Variants in SLIT3 observed in about 807,000 individuals in gnomAD.
SLIT3 encodes the protein slit guidance ligand 3.
SLIT3 carries 68 observed loss-of-function variants against 184.0 expected under a neutral mutation model. That is an observed-to-expected ratio of 0.37 (90% CI 0.30 to 0.45). The LOEUF is 0.45. Ranked by LOEUF, SLIT3 falls within the 20% of genes least tolerant of loss-of-function variation. The pLI is 1.00. For synonymous variants in SLIT3, 831 were observed against 828.6 expected, an observed-to-expected ratio of 1.00 and a Z score of -0.05; for missense variants, 1,707 against 2,026.0, an observed-to-expected ratio of 0.84 and a Z score of 3.02.
intron 5 of SLIT3, among the ~76,000 whole-genome samples, chr5:168,880,127 C>T (rs1429365009): frequency 6.6e-6 from 1 of 152,340 alleles, no homozygotes; most frequent in African/African-American, 2.4e-5. Flanking sequence ...GCTTCTCTCT[C>T]CCAAGAGACA....
At chr5:168,733,928 TCAGAAA>T (rs1427373971) in intron 20 of SLIT3, among the ~76,000 whole-genome samples, 3 of 152,244 alleles carry the variant, frequency 2.0e-5, no homozygotes, top group South Asian at 4.2e-4. Flanking sequence ...GTGAAATGAC[TCAGAAA>T]CAGAAAGTCA....
At chr5:168,772,514 C>T (rs949779549) in intron 14 of SLIT3, 7 of 484,500 alleles carry the variant, frequency 1.4e-5, no homozygotes, top group African/African-American at 4.0e-5. Flanking sequence ...CTTGGAGACA[C>T]GCTGCTGCCT....
chr5:168,868,340 G>C (rs1170773308), intron 5 of SLIT3, among the ~76,000 whole-genome samples: 2 of 152,112 alleles, frequency 1.3e-5, no homozygotes, highest in African/African-American at 4.8e-5. Flanking sequence ...GCCCAGGCTG[G>C]AGTGCACTGG....
chr5:169,214,874 T>C (rs572310417), intron 3 of SLIT3, among the ~76,000 whole-genome samples: 26 of 152,250 alleles, frequency 1.7e-4, no homozygotes, highest in Admixed American at 2.6e-4. Flanking sequence ...CTGTATGCCA[T>C]GAGGTATGCA....
intron 4 of SLIT3, among the ~76,000 whole-genome samples, chr5:169,054,392 C>A (rs1051255347): frequency 1.3e-5 from 2 of 152,090 alleles, no homozygotes; most frequent in Admixed American, 6.5e-5. Flanking sequence ...GGATTTTGGA[C>A]TTCTATCCTG....
intron 4 of SLIT3, among the ~76,000 whole-genome samples, chr5:168,952,679 CAA>C (rs1156945844): frequency 1.3e-5 from 2 of 151,274 alleles, no homozygotes; most frequent in African/African-American, 2.4e-5. Flanking sequence ...TGAGAGGAAA[CAA>C]AGAGAGTGGA....
chr5:169,093,529 G>A (rs927350588), intron 4 of SLIT3, among the ~76,000 whole-genome samples: 2 of 152,182 alleles, frequency 1.3e-5, no homozygotes, highest in African/African-American at 4.8e-5. Flanking sequence ...GCTGAGGGTC[G>A]AGTTGATCAT....
chr5:168,859,326 A>T (rs888273927), intron 5 of SLIT3, among the ~76,000 whole-genome samples: 1 of 152,216 alleles, frequency 6.6e-6, no homozygotes, highest in African/African-American at 2.4e-5. Flanking sequence ...GCTGTCATAA[A>T]GATGATGTAA....
intron 4 of SLIT3, among the ~76,000 whole-genome samples, chr5:169,078,818 A>G (rs1394039209): frequency 1.3e-5 from 2 of 152,260 alleles, no homozygotes; most frequent in African/African-American, 4.8e-5. Flanking sequence ...GCCAAGTGAA[A>G]TAAGGAAAAC....
chr5:168,889,655 G>A (rs912406819), intron 4 of SLIT3, among the ~76,000 whole-genome samples: 5 of 152,180 alleles, frequency 3.3e-5, no homozygotes, highest in Non-Finnish European at 7.3e-5. Flanking sequence ...TGGATTAAGT[G>A]TCAGCTCAGA....
chr5:169,094,747 A>T (rs752297142), intron 4 of SLIT3, among the ~76,000 whole-genome samples: 4 of 152,256 alleles, frequency 2.6e-5, no homozygotes, highest in Non-Finnish European at 4.4e-5. Flanking sequence ...GCTTTAGGAT[A>T]GAAGTTTGCT....
At chr5:168,912,423 A>G (rs1206203197) in intron 4 of SLIT3, among the ~76,000 whole-genome samples, 1 of 152,164 alleles carries the variant, frequency 6.6e-6, no homozygotes, top group Non-Finnish European at 1.5e-5. Context: ...GGTCAAATGT[A>G]TATAGCATGC....
chr5:169,173,139 T>TA (rs1464992233), intron 4 of SLIT3, among the ~76,000 whole-genome samples: 1 of 152,204 alleles, frequency 6.6e-6, no homozygotes, highest in African/African-American at 2.4e-5. Flanking sequence ...CACATGCCTA[T>TA]AATCCCAGCT....
At chr5:168,777,542 T>C (rs1755806612) in intron 12 of SLIT3, among the ~76,000 whole-genome samples, 1 of 152,134 alleles carries the variant, frequency 6.6e-6, no homozygotes, top group African/African-American at 2.4e-5. Flanking sequence ...TGCTCCTAGA[T>C]CTCTCAGCAT....
Position 169,272,483 on chromosome 5 carries a change from G to A in SLIT3, c.198-21024C>T, listed in dbSNP as rs537604178. On this transcript the variant is annotated intron_variant, in intron 1 of 35. Coordinates refer to ENST00000519560, the MANE Select transcript of SLIT3 (RefSeq NM_003062.4). ...ATTATGAAATGTTTTCCAACCTAGC[G>A]TAAAAGCTCTGCTAGGAAAGAAACC... Among the ~76,000 whole-genome samples the A allele has an allele frequency of 4.3e-4, 66 of 152,334 alleles. 1 individual carries two copies. Among genetic ancestry groups the A allele is most frequent in the African/African-American group, 1.2e-3 (51 of 41,574 alleles).
chr5:169,108,314 TCAC>T (rs1291866273), intron 4 of SLIT3, among the ~76,000 whole-genome samples: 1 of 152,052 alleles, frequency 6.6e-6, no homozygotes, highest in Non-Finnish European at 1.5e-5. Context: ...GATGCTGGAG[TCAC>T]CACATTTGAG....
intron 4 of SLIT3, among the ~76,000 whole-genome samples, chr5:168,951,638 A>C (rs981883966): frequency 2.0e-5 from 3 of 152,198 alleles, no homozygotes; most frequent in African/African-American, 7.2e-5. Context: ...AGTAAGAAAA[A>C]TGTTGCTTTT....
chr5:168,855,952 T>TA (rs1480672167), intron 5 of SLIT3, among the ~76,000 whole-genome samples: 1 of 151,774 alleles, frequency 6.6e-6, no homozygotes, highest in South Asian at 2.1e-4. Flanking sequence ...ACTAAAAATA[T>TA]AAAAAAATTA....
intron 3 of SLIT3, among the ~76,000 whole-genome samples, 196 bp downstream of exon 3, chr5:169,244,509 A>G (rs1352230484): frequency 1.3e-5 from 2 of 152,240 alleles, no homozygotes; most frequent in Non-Finnish European, 2.9e-5. Flanking sequence ...TTTACAGAAA[A>G]GGAGTGTAAG....
Sources: allele counts gnomAD v4.1 joint callset (sites outside exome capture counted in the v4.1 genomes callset), GRCh38; gene constraint gnomAD v4.1.1; transcripts MANE v1.5; gene names NCBI Gene and HGNC (gene_info 2026-07-23, HGNC 2026-07-21).